KMT2C: variants seen among roughly 807,000 people sequenced by gnomAD.
KMT2C encodes histone-lysine N-methyltransferase 2C.
Under a neutral mutation model 507.9 loss-of-function variants are expected in KMT2C, and 88 were observed. The ratio of observed to expected loss-of-function variants is 0.17; its 90% CI spans 0.15 to 0.21. KMT2C has a LOEUF of 0.21. Ranked by LOEUF, KMT2C falls within the 10% of genes least tolerant of loss-of-function variation. The pLI, the probability that KMT2C is intolerant of heterozygous loss-of-function variation, is 1.00. For missense variants in KMT2C, 4,954 were observed against 5,957.8 expected, an observed-to-expected ratio of 0.83 and a Z score of 5.55; for synonymous variants, 2,049 against 2,080.8, an observed-to-expected ratio of 0.98 and a Z score of 0.42.
At position 152,152,908 on chromosome 7, in the gene KMT2C, C is replaced by T. The variant is rs749141132; in HGVS notation, c.12323G>A (p.Arg4108Gln). 21 of 1,614,030 alleles carry T rather than the reference C, an allele frequency of 1.3e-5. No homozygotes were observed. In the East Asian group the frequency reaches 1.3e-4, roughly 10 times the overall value. Residue 4108 changes from arginine (R) to glutamine (Q), a missense_variant, in exon 49 of 59, where the codon CGA becomes CAA. Coordinates refer to ENST00000262189, the MANE Select transcript of KMT2C (RefSeq NM_170606.3). ...VAAFSDLLHV[R>Q]IPNSYEVSSA... ...GCTAACCTCATAGCTGTTAGGGATT[C>T]GGACGTGAAGAAGGTCGGAAAATGC...
In KMT2C at chr7:152,176,844, AAAG is replaced by A; in HGVS notation, c.8606_8608del (p.Ser2869del). The stretch of plus-strand genomic sequence containing the variant: ...AAATAGATCTGGATCACAAGGATGC[AAAG>A]AAGTCTTTTCTCCATCATTTAGGTC... On this transcript the variant is annotated inframe_deletion, in exon 38 of 59. Transcript: ENST00000262189. The A allele has an allele frequency of 6.2e-7, 1 of 1,614,258 alleles. No homozygotes were observed. The highest frequency in any genetic ancestry group is 8.5e-7 in the Non-Finnish European group (1 of 1,180,046).
At chr7:152,363,221 ATTAT>A (rs1029715755) in intron 1 of KMT2C, among the ~76,000 whole-genome samples, 1 of 152,184 alleles carries the variant, frequency 6.6e-6, no homozygotes, top group Non-Finnish European at 1.5e-5. Context: ...CAACATGAAG[ATTAT>A]TTATTTTAAC....
At chr7:152,158,599 T>G (rs1224695807) in intron 44 of KMT2C, among the ~76,000 whole-genome samples, 2 of 151,288 alleles carry the variant, frequency 1.3e-5, no homozygotes, top group African/African-American at 4.9e-5. Flanking sequence ...CACTGCAACC[T>G]CTGCCATCCA....
At chr7:152,210,024 G>A (rs2094416518) in intron 23 of KMT2C, among the ~76,000 whole-genome samples, 1 of 152,104 alleles carries the variant, frequency 6.6e-6, no homozygotes, top group South Asian at 2.1e-4. Context: ...ATTCCTGGGT[G>A]ACCTTAAATG....
chr7:152,309,648 G>A (rs567824553), intron 6 of KMT2C, among the ~76,000 whole-genome samples: 1 of 149,826 alleles, frequency 6.7e-6, no homozygotes, highest in East Asian at 2.0e-4. Flanking sequence ...AGTGTCCCAA[G>A]TAGCTGGGAT....
intron 7 of KMT2C, among the ~76,000 whole-genome samples, chr7:152,267,404 A>C (rs1588724640): frequency 6.6e-6 from 1 of 152,276 alleles, no homozygotes; most frequent in African/African-American, 2.4e-5. Flanking sequence ...AAAGGCAGAA[A>C]CCTTAGTATC....
intron 7 of KMT2C, among the ~76,000 whole-genome samples, chr7:152,273,238 T>C (rs2096010598): frequency 6.6e-6 from 1 of 152,200 alleles, no homozygotes; most frequent in Admixed American, 6.5e-5. Flanking sequence ...AGATTTCTAT[T>C]ATACCTATCA....
chr7:152,432,254 G>A (rs566655277), intron 1 of KMT2C, among the ~76,000 whole-genome samples: 1 of 152,230 alleles, frequency 6.6e-6, no homozygotes, highest in African/African-American at 2.4e-5. Flanking sequence ...CAACTTTCAT[G>A]AACTGGTAAG....
intron 42 of KMT2C, among the ~76,000 whole-genome samples, chr7:152,166,876 T>C (rs2092753739): frequency 6.6e-6 from 1 of 152,158 alleles, no homozygotes; most frequent in East Asian, 1.9e-4. Flanking sequence ...AAGTTGAAAA[T>C]AGTTCTTCGA....
rs141674321 is a variant in KMT2C at position 152,150,541 on chromosome 7, G to T, written c.12774+359C>A. ...TAAGGCAGGAGAATTGCTTGAATTG[G>T]GAGGCAGAGTCTGCAGTGAGCCAAG... On this transcript the variant is annotated intron_variant, in intron 51 of 58. Coordinates refer to ENST00000262189, the MANE Select transcript of KMT2C (RefSeq NM_170606.3). 9.3e-3 allele frequency among the ~76,000 whole-genome samples: 1,420 copies of T among 152,166 alleles called. 28 individuals carry two copies. The highest frequency in any genetic ancestry group is 0.032 in the African/African-American group (1,333 of 41,498).
chr7:152,143,943 T>G (rs973721889), intron 55 of KMT2C, among the ~76,000 whole-genome samples: 8 of 152,190 alleles, frequency 5.3e-5, no homozygotes, highest in African/African-American at 1.7e-4. Flanking sequence ...GCAAGTGATA[T>G]GTGGCTCAAG....
chr7:152,418,524 G>A (rs1420531446), intron 1 of KMT2C, among the ~76,000 whole-genome samples: 4 of 152,002 alleles, frequency 2.6e-5, no homozygotes, highest in African/African-American at 7.2e-5. Flanking sequence ...TCCACCTCCC[G>A]GATTCCAGCG....
intron 20 of KMT2C, among the ~76,000 whole-genome samples, chr7:152,223,313 A>G (rs1026876887): frequency 3.9e-5 from 6 of 152,176 alleles, no homozygotes; most frequent in South Asian, 2.1e-4. Flanking sequence ...GTGCTATCTA[A>G]TATCTAGATA....
At chr7:152,359,866 T>C (rs544480608) in intron 1 of KMT2C, among the ~76,000 whole-genome samples, 2 of 151,374 alleles carry the variant, frequency 1.3e-5, no homozygotes, top group Non-Finnish European at 2.9e-5. Context: ...CTGGCCAACA[T>C]GGTGAAACTC....
intron 6 of KMT2C, among the ~76,000 whole-genome samples, chr7:152,293,830 G>A (rs2096459369): frequency 6.6e-6 from 1 of 152,134 alleles, no homozygotes; most frequent in African/African-American, 2.4e-5. Context: ...GTGTCAAGGT[G>A]ACGGGAAATA....
At chr7:152,273,033 A>C (rs766821649) in intron 7 of KMT2C, among the ~76,000 whole-genome samples, 1 of 152,176 alleles carries the variant, frequency 6.6e-6, no homozygotes, top group Non-Finnish European at 1.5e-5. Flanking sequence ...GCTCATAGGG[A>C]AAACACATAG....
chr7:152,162,581 G>A lies in KMT2C; in HGVS notation c.10996C>T (p.Pro3666Ser). 3 of 1,614,192 alleles carry A rather than the reference G, an allele frequency of 1.9e-6. No individual in the cohort carries two copies. Among genetic ancestry groups the A allele is most frequent in the Non-Finnish European group, 2.5e-6 (3 of 1,180,034 alleles). ...ADQESVEPVG[P>S]STPNMAAGQL... ...CCTGCTGCCATATTGGGAGTGGATG[G>A]GCCGACTGGTTCCACCGACTCTTGG... The change falls in exon 43 of 59, where the codon CCA (proline) becomes TCA (serine). Residue 3666 changes from proline to serine, a missense_variant. This residue lies in a region of KMT2C where 801 missense variants were observed against 751.2 expected (regional missense o/e 1.07). Coordinates refer to ENST00000262189, the MANE Select transcript of KMT2C (RefSeq NM_170606.3).
chr7:152,300,253 C>T (rs565984773), intron 6 of KMT2C, among the ~76,000 whole-genome samples: 1 of 152,322 alleles, frequency 6.6e-6, no homozygotes, highest in East Asian at 1.9e-4. Flanking sequence ...GAAGGAGGGT[C>T]TGTCTGTTTG....
intron 1 of KMT2C, among the ~76,000 whole-genome samples, chr7:152,363,949 T>C (rs934768366): frequency 6.6e-6 from 1 of 152,184 alleles, no homozygotes; most frequent in African/African-American, 2.4e-5. Context: ...GCCAACTGTA[T>C]TGTCTTTAGC....
Sources: allele counts gnomAD v4.1 joint callset (sites outside exome capture counted in the v4.1 genomes callset), GRCh38; gene constraint gnomAD v4.1.1; regional missense constraint gnomAD v4.1.1; transcripts MANE v1.5; gene names NCBI Gene and HGNC (gene_info 2026-07-23, HGNC 2026-07-21).